The following RAPGEF4 variants were observed in gnomAD, a reference collection of about 807,000 sequenced individuals.
RAPGEF4 encodes Rap guanine nucleotide exchange factor 4.
A neutral mutation model predicts 147.9 loss-of-function variants in RAPGEF4; 66 were observed. That is an observed-to-expected ratio of 0.45 (90% CI 0.37 to 0.55). The LOEUF (loss-of-function observed/expected upper bound fraction) is 0.55, where lower values mean the gene tolerates loss of function less well. Ranked by LOEUF, RAPGEF4 falls within the 20% of genes least tolerant of loss-of-function variation. The pLI is 0.00. For missense variants in RAPGEF4, 1,071 were observed against 1,257.3 expected, an observed-to-expected ratio of 0.85 and a Z score of 2.24; for synonymous variants, 419 against 442.7, an observed-to-expected ratio of 0.95 and a Z score of 0.67.
intron 22 of RAPGEF4, among the ~76,000 whole-genome samples, chr2:173,019,589 G>A (rs1021226560): frequency 9.8e-5 from 15 of 152,320 alleles, no homozygotes; most frequent in Admixed American, 4.6e-4. Flanking sequence ...AATCCTTCAG[G>A]AACAGGTGAG....
chr2:172,921,177 T>C (rs188593764), intron 5 of RAPGEF4, among the ~76,000 whole-genome samples: 1 of 152,134 alleles, frequency 6.6e-6, no homozygotes, highest in East Asian at 1.9e-4. Context: ...TGCAGTGACA[T>C]GATCATTGCT....
At chr2:172,861,172 C>T (rs1421188169) in intron 4 of RAPGEF4, among the ~76,000 whole-genome samples, 2 of 151,512 alleles carry the variant, frequency 1.3e-5, no homozygotes, top group African/African-American at 2.4e-5. Flanking sequence ...ATTCTCATGC[C>T]GGCTCACCGA....
intron 15 of RAPGEF4, among the ~76,000 whole-genome samples, chr2:172,994,275 A>T (rs1335197392): frequency 6.6e-6 from 1 of 152,182 alleles, no homozygotes; most frequent in African/African-American, 2.4e-5. Flanking sequence ...CCCTCTTTAG[A>T]GGAAGGTTGT....
chr2:172,971,755 A>T (rs1449992925), intron 10 of RAPGEF4, among the ~76,000 whole-genome samples: 4 of 149,202 alleles, frequency 2.7e-5, no homozygotes, highest in Admixed American at 6.7e-5. Context: ...CACATACCCC[A>T]TTTTTTTTTT....
chr2:172,932,329 C>T (rs1686079277), intron 6 of RAPGEF4, among the ~76,000 whole-genome samples: 1 of 152,188 alleles, frequency 6.6e-6, no homozygotes, highest in African/African-American at 2.4e-5. Context: ...CTAAATGCAG[C>T]ATGGTCTGGT....
intron 1 of RAPGEF4, among the ~76,000 whole-genome samples, chr2:172,788,665 G>A (rs1685492242): frequency 4.6e-5 from 7 of 151,962 alleles, no homozygotes. Context: ...CAGGAGGATT[G>A]GTTGAGCCTA....
intron 1 of RAPGEF4, among the ~76,000 whole-genome samples, chr2:172,790,489 A>G (rs1685699758): frequency 6.6e-6 from 1 of 152,170 alleles, no homozygotes; most frequent in Admixed American, 6.5e-5. Flanking sequence ...ATCGTTATGA[A>G]GGGAGAAGAA....
intron 1 of RAPGEF4, among the ~76,000 whole-genome samples, chr2:172,772,000 G>A (rs1333697530): frequency 6.6e-6 from 1 of 152,186 alleles, no homozygotes; most frequent in Non-Finnish European, 1.5e-5. Flanking sequence ...CACTTCGGGA[G>A]GCTGAGGCAG....
In RAPGEF4 at chr2:172,925,831, AAAG is replaced by A. The variant is rs1329701623; in HGVS notation, c.537+3535_537+3537del. On this transcript the variant is annotated intron_variant, in intron 6 of 30. Transcript: ENST00000397081. ...AAAGAGAGAGAGAAAGAAAGAAAGG[AAAG>A]AAGGAAGGAAGGAAGGGAAGGAAAG... 2.7e-5 allele frequency among the ~76,000 whole-genome samples: 4 copies of A among 148,212 alleles called. No individual in the cohort carries two copies. In the East Asian group the frequency reaches 7.9e-4, roughly 29 times the overall value.
chr2:172,804,685 C>T (rs1687306639), intron 3 of RAPGEF4, among the ~76,000 whole-genome samples: 1 of 152,192 alleles, frequency 6.6e-6, no homozygotes, highest in Admixed American at 6.5e-5. Flanking sequence ...CTCCCAAGGG[C>T]ACCTGCTCAC....
At chr2:172,982,390 C>T (rs548119813) in intron 10 of RAPGEF4, among the ~76,000 whole-genome samples, 6 of 152,110 alleles carry the variant, frequency 3.9e-5, no homozygotes, top group Admixed American at 6.5e-5. Context: ...GAGTAAATGC[C>T]GCCTAGCCAT....
intron 3 of RAPGEF4, among the ~76,000 whole-genome samples, chr2:172,812,449 A>AATCC (rs745896638): frequency 2.0e-5 from 3 of 152,206 alleles, no homozygotes; most frequent in Non-Finnish European, 2.9e-5. Flanking sequence ...TCCAAGAAGA[A>AATCC]ATCCAATCTT....
intron 4 of RAPGEF4, among the ~76,000 whole-genome samples, chr2:172,875,842 G>A (rs1231712291): frequency 6.6e-6 from 1 of 152,116 alleles, no homozygotes; most frequent in African/African-American, 2.4e-5. Context: ...GGGCAGTATG[G>A]CCATTTTCAC....
chr2:172,943,728 C>T (rs145211466), intron 6 of RAPGEF4, among the ~76,000 whole-genome samples: 5 of 152,208 alleles, frequency 3.3e-5, no homozygotes, highest in African/African-American at 7.2e-5. Context: ...AAAACCCTTT[C>T]GCTGTCTTGC....
At chr2:172,998,432 G>A (rs763197344) in intron 16 of RAPGEF4, among the ~76,000 whole-genome samples, 5 of 152,190 alleles carry the variant, frequency 3.3e-5, no homozygotes, top group East Asian at 1.9e-4. Context: ...ATGTAAAGCC[G>A]GCTGGGTGCA....
intron 4 of RAPGEF4, among the ~76,000 whole-genome samples, chr2:172,846,051 G>A (rs113714914): frequency 2.6e-5 from 4 of 152,208 alleles, no homozygotes; most frequent in Non-Finnish European, 5.9e-5. Flanking sequence ...CAAACCTGTA[G>A]CTTATGACTC....
intron 5 of RAPGEF4, among the ~76,000 whole-genome samples, chr2:172,922,077 A>G (rs576779560): frequency 2.6e-5 from 4 of 152,244 alleles, no homozygotes; most frequent in African/African-American, 9.6e-5. Context: ...GTCTGGGCAC[A>G]TGGCCCTGCT....
chr2:172,855,700 A>G lies in RAPGEF4; in HGVS notation c.444+41275A>G, dbSNP rs1184973173. Reference sequence around the variant, plus strand: ...ATGTTGAAGAATATTTTTGTTGGATATAGAATTCTAGCTTGACAAATAGAA... The same window carrying G: ...ATGTTGAAGAATATTTTTGTTGGATGTAGAATTCTAGCTTGACAAATAGAA... On this transcript the variant is annotated intron_variant, in intron 4 of 30. Transcript: ENST00000397081. Among the ~76,000 whole-genome samples, 4 of 152,222 alleles carry G rather than the reference A, an allele frequency of 2.6e-5. No homozygotes were observed. In the East Asian group the frequency reaches 7.7e-4, roughly 29 times the overall value.
chr2:172,781,166 T>C (rs1157974489), intron 1 of RAPGEF4, among the ~76,000 whole-genome samples: 1 of 152,202 alleles, frequency 6.6e-6, no homozygotes, highest in Non-Finnish European at 1.5e-5. Context: ...GCAGACTTTA[T>C]TCAAAGGAAG....
Sources: gnomAD v4.1 joint callset for allele counts (sites outside exome capture counted in the v4.1 genomes callset) on GRCh38, gnomAD v4.1.1 for gene constraint, MANE v1.5 for transcripts, NCBI Gene and HGNC (gene_info 2026-07-23, HGNC 2026-07-21) for gene names.